The following ZNF98 variants were observed in gnomAD, a reference collection of about 807,000 sequenced individuals.
The protein encoded by ZNF98 is zinc finger protein 98.
A neutral mutation model predicts 12.8 loss-of-function variants in ZNF98; 8 were observed. That is an observed-to-expected ratio of 0.63 (90% CI 0.37 to 1.13). ZNF98 has a LOEUF of 1.13. ZNF98 is among the 50% of genes most tolerant of loss of function. The pLI is 0.01. For synonymous variants in ZNF98, 112 were observed against 223.5 expected (o/e 0.50, Z 4.45); for missense variants, 379 against 666.1 (o/e 0.57, Z 4.74).
At chr19:22,407,706 T>C (rs1172879790) in intron 1 of ZNF98, among the ~76,000 whole-genome samples, 1 of 147,118 alleles carries the variant, frequency 6.8e-6, no homozygotes, top group Admixed American at 6.8e-5. Context: ...AGTGAGACTC[T>C]GTCTCAAAAA....
intron 2 of ZNF98, 128 bp downstream of exon 2, chr19:22,403,258 T>TAAAAAAAAAAAAAAAAAAAA: frequency 3.8e-6 from 3 of 795,764 alleles, no homozygotes. Context: ...ATCTTGAAGT[T>TAAAAAAAAAAAAAAAAAAAA]AAAAAAAAAA....
chr19:22,409,942 G>C (rs1969563613), intron 1 of ZNF98, among the ~76,000 whole-genome samples: 2 of 146,952 alleles, frequency 1.4e-5, no homozygotes, highest in South Asian at 4.2e-4. Flanking sequence ...AAAAAAGTGG[G>C]CAAAAGATGA....
intron 1 of ZNF98, among the ~76,000 whole-genome samples, chr19:22,404,428 A>G (rs56002869): frequency 0.13 from 17,792 of 137,186 alleles, no homozygotes; most frequent in African/African-American, 0.25. Context: ...TGCAAAGAAA[A>G]CCTAAGAAAG....
intron 1 of ZNF98, among the ~76,000 whole-genome samples, chr19:22,412,907 G>T (rs1462778195): frequency 6.6e-6 from 1 of 151,848 alleles, no homozygotes; most frequent in Non-Finnish European, 1.5e-5. Context: ...AAAAAAATTA[G>T]CCAGGCGTGG....
rs1018316590 is a variant in ZNF98, at chr19:22,395,875, G to C, written c.254-2894C>G. Among the ~76,000 whole-genome samples the C allele has an allele frequency of 7.2e-5, 8 of 110,900 alleles. No individual in the cohort carries two copies. In the East Asian group the frequency reaches 2.3e-3, roughly 32 times the overall value. The allele number at this position is 110,900 out of a possible 152,430, so 72.8% of individuals were successfully genotyped here. A position where few individuals can be genotyped will look rare whatever the true frequency, so the allele number is the denominator to read the frequency against. Reference sequence around the variant, plus strand: ...GTGTGACACAAAGTCCTGAGGGGGGGGAAAAAAAAAAGCTATCAAGTTGAG... The same window carrying C: ...GTGTGACACAAAGTCCTGAGGGGGGCGAAAAAAAAAAGCTATCAAGTTGAG... On this transcript the variant is annotated intron_variant, in intron 3 of 3. Coordinates refer to ENST00000357774, the MANE Select transcript of ZNF98 (RefSeq NM_001098626.2).
At chr19:22,421,472 T>A (rs915159520) in intron 1 of ZNF98, among the ~76,000 whole-genome samples, 2 of 152,092 alleles carry the variant, frequency 1.3e-5, no homozygotes, top group African/African-American at 4.8e-5. Context: ...TTCCTAATTT[T>A]AAAAAATCTA....
chr19:22,403,065 C>T (rs1244501873), intron 2 of ZNF98, among the ~76,000 whole-genome samples, 181 bp from the exon 3 acceptor site: 1 of 151,536 alleles, frequency 6.6e-6, no homozygotes, highest in South Asian at 2.1e-4. Context: ...AATTTCACTA[C>T]CTGATACTAC....
At chr19:22,393,509 G>C (rs1008922036) in intron 3 of ZNF98, among the ~76,000 whole-genome samples, 19 of 151,794 alleles carry the variant, frequency 1.3e-4, no homozygotes, top group African/African-American at 3.9e-4. Flanking sequence ...GAACAGAATA[G>C]AGACCTCAGA....
Position 22,422,177 on chromosome 19 carries a change from C to T in ZNF98, c.30+18G>A. 6.2e-7 allele frequency: 1 copy of T among 1,612,822 alleles called. No homozygotes were observed. Among genetic ancestry groups the T allele is most frequent in the East Asian group, 2.2e-5 (1 of 44,806 alleles). On this transcript the variant is annotated intron_variant, in intron 1 of 3. Coordinates refer to ENST00000357774, the MANE Select transcript of ZNF98 (RefSeq NM_001098626.2). ...AGCCCCTTCTCCTCTCTAGGGATGT[C>T]GGACTCGGCACTCTCACCATTTCTA... is the stretch of plus-strand genomic sequence containing the variant.
chr19:22,419,405 G>T (rs1299706582), intron 1 of ZNF98, among the ~76,000 whole-genome samples: 1 of 152,066 alleles, frequency 6.6e-6, no homozygotes, highest in Non-Finnish European at 1.5e-5. Flanking sequence ...GGGTGAGCAG[G>T]CTGGGACATC....
At chr19:22,403,625 G>C (rs1969486621) in intron 1 of ZNF98, 113 bp from the exon 2 acceptor site, 1 of 993,680 alleles carries the variant, frequency 1.0e-6, no homozygotes. Context: ...TTATAGGAGT[G>C]ACTGATATAT....
intron 3 of ZNF98, among the ~76,000 whole-genome samples, chr19:22,394,988 CAT>C (rs1394147809): frequency 1.3e-5 from 2 of 151,742 alleles, no homozygotes; most frequent in African/African-American, 4.8e-5. Flanking sequence ...GCCTTGGCAA[CAT>C]AGTGAAACCC....
rs61327036 is a variant in ZNF98, at chr19:22,412,640, T to TAAA, written c.31-9131_31-9129dup. On this transcript the variant is annotated intron_variant, in intron 1 of 3. Coordinates refer to ENST00000357774, the MANE Select transcript of ZNF98 (RefSeq NM_001098626.2). ...ATCAAGAATTGCAGGAGTAAAATCT[T>TAAA]AAAAAAAAAAAAAAAGATAAATTCT... Among the ~76,000 whole-genome samples, 145 of 139,512 alleles carry TAAA rather than the reference T, an allele frequency of 1.0e-3. 2 individuals carry two copies. Among genetic ancestry groups the TAAA allele is most frequent in the East Asian group, 9.0e-3 (43 of 4,758 alleles). 91.5% of individuals were successfully genotyped at this position (139,512 alleles called of 152,430 possible).
At chr19:22,393,390 G>A (rs142299633) in intron 3 of ZNF98, among the ~76,000 whole-genome samples, 1 of 152,238 alleles carries the variant, frequency 6.6e-6, no homozygotes, top group Non-Finnish European at 1.5e-5. Context: ...ACTGGTTCCT[G>A]TGTCTCATTG....
rs527910271 is a variant in ZNF98 at position 22,400,060 on chromosome 19, C to G, written c.253+2729G>C. ...GGTGGCAAACTACAGGACCCCTGTT[C>G]TTGGCTACAGACCAGAAAATGGCCC... On this transcript the variant is annotated intron_variant, in intron 3 of 3. Transcript: ENST00000357774. 3.9e-5 allele frequency among the ~76,000 whole-genome samples: 6 copies of G among 152,288 alleles called. No individual in the cohort carries two copies. The East Asian group carries it at 1.2e-3, about 29-fold the overall frequency.
intron 3 of ZNF98, among the ~76,000 whole-genome samples, chr19:22,394,964 G>C (rs1159981982): frequency 1.3e-5 from 2 of 151,914 alleles, no homozygotes; most frequent in African/African-American, 2.4e-5. Flanking sequence ...CTGAGGTCCG[G>C]AGTTTGAGAC....
intron 1 of ZNF98, among the ~76,000 whole-genome samples, chr19:22,404,999 A>C (rs1158587425): frequency 6.6e-6 from 1 of 152,160 alleles, no homozygotes; most frequent in East Asian, 1.9e-4. Flanking sequence ...ACAGCCAGGA[A>C]AGAAACCTTC....
chr19:22,391,657 G>C lies in ZNF98; in HGVS notation c.1578C>G (p.Ala526=). The C allele has an allele frequency of 1.2e-6, 2 of 1,613,786 alleles. No individual in the cohort carries two copies. The highest frequency in any genetic ancestry group is 1.1e-5 in the South Asian group (1 of 91,050). The part of the protein sequence containing the change: ...KPYKCEECGK[A]FNNSSILNRH... ...TGTTAAGAATAGAGGAGTTGTTAAA[G>C]GCTTTGCCGCATTCTTCACACTTGT... The change falls in exon 4 of 4, where the codon GCC becomes GCG. Residue 526 remains alanine, a synonymous_variant. Transcript: ENST00000357774.
intron 1 of ZNF98, among the ~76,000 whole-genome samples, chr19:22,406,078 GGT>G: frequency 6.6e-6 from 1 of 152,236 alleles, no homozygotes; most frequent in East Asian, 1.9e-4. Flanking sequence ...CCAGAGGAGT[GGT>G]TTTAACTTCA....
Sources: allele counts gnomAD v4.1 joint callset (sites outside exome capture counted in the v4.1 genomes callset), GRCh38; gene constraint gnomAD v4.1.1; transcripts MANE v1.5; gene names NCBI Gene and HGNC (gene_info 2026-07-23, HGNC 2026-07-21).